Variants in SLC35F3 observed in about 807,000 individuals in gnomAD.
SLC35F3 encodes solute carrier family 35 member F3.
Under a neutral mutation model 49.9 loss-of-function variants are expected in SLC35F3, and 25 were observed. The observed-to-expected ratio is 0.50, with a 90% CI of 0.37 to 0.70. The LOEUF is 0.70. SLC35F3 is among the 30% of genes least tolerant of loss of function. The probability of loss-of-function intolerance (pLI) is 0.00; values close to 1 mark genes in which losing one functional copy is unlikely to be tolerated. For missense variants in SLC35F3, 525 were observed against 639.8 expected (o/e 0.82, Z 1.94); for synonymous variants, 275 against 265.4 (o/e 1.04, Z -0.35).
At chr1:234,082,830 C>T (rs1321831391) in intron 2 of SLC35F3, among the ~76,000 whole-genome samples, 1 of 152,082 alleles carries the variant, frequency 6.6e-6, no homozygotes, top group Admixed American at 6.5e-5. Context: ...ATGGGGGAAA[C>T]CGCCCCCATG....
intron 2 of SLC35F3, among the ~76,000 whole-genome samples, chr1:233,989,024 G>A (rs746962135): frequency 2.2e-4 from 34 of 152,276 alleles, no homozygotes; most frequent in Non-Finnish European, 3.8e-4. Flanking sequence ...AAAGAATTTA[G>A]ATTCACACTG....
intron 2 of SLC35F3, among the ~76,000 whole-genome samples, chr1:234,128,037 C>T (rs1177086503): frequency 6.6e-6 from 1 of 152,142 alleles, no homozygotes; most frequent in East Asian, 1.9e-4. Context: ...CTCAGAGGGG[C>T]AAGATGATTA....
intron 2 of SLC35F3, among the ~76,000 whole-genome samples, chr1:233,948,904 C>T (rs1662560344): frequency 6.6e-6 from 1 of 152,126 alleles, no homozygotes; most frequent in African/African-American, 2.4e-5. Context: ...CTGGCACAAG[C>T]ATTTTCTAAG....
Position 234,231,775 on chromosome 1 carries a change from C to T in SLC35F3, c.608+34C>T, listed in dbSNP as rs950390935. ...GTCCTGCATGAGGAGGCCTCCTGAC[C>T]CCGGGCTGCTCCATCCAGCGCTGAC... On this transcript the variant is annotated intron_variant, in intron 3 of 7. Transcript: ENST00000366618. The surrounding 1 kb of genome is among the most constrained non-coding windows in gnomAD (Gnocchi z 5.4). The T allele has an allele frequency of 3.8e-6, 6 of 1,563,194 alleles. No individual in the cohort carries two copies. Among genetic ancestry groups the T allele is most frequent in the Admixed American group, 1.7e-5 (1 of 57,822 alleles).
chr1:234,165,510 T>G (rs1362773894), intron 2 of SLC35F3, among the ~76,000 whole-genome samples: 2 of 152,184 alleles, frequency 1.3e-5, no homozygotes, highest in Non-Finnish European at 2.9e-5. Context: ...CATAAAATAG[T>G]GGATCTCAAA....
At position 234,320,768 on chromosome 1, in the gene SLC35F3, G is replaced by A. The variant is rs559761192; in HGVS notation, c.1237+581G>A. Among the ~76,000 whole-genome samples, 8 of 152,232 alleles carry A rather than the reference G, an allele frequency of 5.3e-5. No homozygotes were observed. Among genetic ancestry groups the A allele is most frequent in the African/African-American group, 1.2e-4 (5 of 41,538 alleles). ...GCCCTTTGTTTTCCCCTGGGGACTC[G>A]TTGCCAAGGCACACAGTTGACAGCT... On this transcript the variant is annotated intron_variant, in intron 7 of 7. Transcript: ENST00000366618. This position sits in a 1 kb window ranked among gnomAD's most constrained non-coding sequence, Gnocchi z 4.8.
chr1:233,912,347 G>T (rs938295096), intron 2 of SLC35F3, among the ~76,000 whole-genome samples: 2 of 151,976 alleles, frequency 1.3e-5, no homozygotes, highest in Non-Finnish European at 2.9e-5. Flanking sequence ...GCATGGTGGT[G>T]GGCACCTGTA....
intron 2 of SLC35F3, among the ~76,000 whole-genome samples, chr1:234,018,443 T>A (rs1201795739): frequency 6.6e-6 from 1 of 152,128 alleles, no homozygotes; most frequent in Non-Finnish European, 1.5e-5. Context: ...TTGCTGATTG[T>A]CCCCCAATTT....
intron 2 of SLC35F3, among the ~76,000 whole-genome samples, chr1:234,206,558 C>T (rs1012347944): frequency 6.6e-6 from 1 of 151,994 alleles, no homozygotes; most frequent in African/African-American, 2.4e-5. Context: ...CCACCTTGAC[C>T]CCTGGAAAAG....
At chr1:234,093,603 T>A (rs1665075799) in intron 2 of SLC35F3, among the ~76,000 whole-genome samples, 1 of 152,252 alleles carries the variant, frequency 6.6e-6, no homozygotes, top group Admixed American at 6.5e-5. Flanking sequence ...ATCAGCTTAT[T>A]TGTGGGACCA....
intron 3 of SLC35F3, among the ~76,000 whole-genome samples, chr1:234,292,015 G>A (rs537153492): frequency 2.6e-5 from 4 of 152,274 alleles, no homozygotes; most frequent in South Asian, 4.1e-4. Flanking sequence ...AGCTCACCAC[G>A]CCTGGACTGC....
chr1:234,139,946 C>CAAAATAATAAAATAAAATAAAATAAAAT (rs1665867270), intron 2 of SLC35F3, among the ~76,000 whole-genome samples: 3 of 11,054 alleles, frequency 2.7e-4, no homozygotes. Context: ...GACTCCATCT[C>CAAAATAATAAAATAAAATAAAATAAAAT]AAAATAATAA....
At chr1:234,198,882 A>G (rs750826440) in intron 2 of SLC35F3, among the ~76,000 whole-genome samples, 24 of 152,154 alleles carry the variant, frequency 1.6e-4, no homozygotes, top group Non-Finnish European at 2.8e-4. Context: ...TGGAGGTATC[A>G]CACTACCTAA....
At chr1:234,246,050 G>A (rs1667626516) in intron 3 of SLC35F3, among the ~76,000 whole-genome samples, 1 of 152,154 alleles carries the variant, frequency 6.6e-6, no homozygotes, top group Non-Finnish European at 1.5e-5. Flanking sequence ...TGGAATGGGA[G>A]GTATTGCTGC....
intron 2 of SLC35F3, among the ~76,000 whole-genome samples, chr1:234,197,005 T>G (rs150911845): frequency 2.5e-4 from 38 of 152,270 alleles, no homozygotes; most frequent in Non-Finnish European, 5.0e-4. Context: ...TAAAAACAGA[T>G]TTTATGCAAT....
intron 2 of SLC35F3, among the ~76,000 whole-genome samples, chr1:234,015,061 G>A (rs1663780386): frequency 6.6e-6 from 1 of 152,090 alleles, no homozygotes; most frequent in Non-Finnish European, 1.5e-5. Flanking sequence ...GCCAAGTGTG[G>A]CTAGCTGGGT....
chr1:234,058,328 A>ATTTTTTTTTTTTTTTTTTT lies in SLC35F3; in HGVS notation c.283+152582_283+152600dup, dbSNP rs56960667. Among the ~76,000 whole-genome samples, 29 of 39,798 alleles carry ATTTTTTTTTTTTTTTTTTT rather than the reference A, an allele frequency of 7.3e-4. 10 individuals are homozygous for ATTTTTTTTTTTTTTTTTTT. Among genetic ancestry groups the ATTTTTTTTTTTTTTTTTTT allele is most frequent in the African/African-American group, 3.7e-3 (27 of 7,288 alleles). 26.1% of individuals were successfully genotyped at this position (39,798 alleles called of 152,430 possible). The stretch of plus-strand genomic sequence containing the variant: ...TAATTGTCTTTATAAATGTTCCTGA[A>ATTTTTTTTTTTTTTTTTTT]TTTTTTTTTTTTTTTTTTTTTTTTT... On this transcript the variant is annotated intron_variant, in intron 2 of 7. Transcript: ENST00000366618.
In SLC35F3 at chr1:234,027,788, A is replaced by G. The variant is rs1664000216; in HGVS notation, c.283+122030A>G. On this transcript the variant is annotated intron_variant, in intron 2 of 7. Transcript: ENST00000366618. This position sits in a 1 kb window ranked among gnomAD's most constrained non-coding sequence, Gnocchi z 4.1. ...AGCCTGCGCCAGTTTAGCACTGGGT[A>G]TTTAGCAGGGAACACAATGAACCAT... 6.6e-6 allele frequency among the ~76,000 whole-genome samples: 1 copy of G among 152,190 alleles called. No homozygotes were observed. Among genetic ancestry groups the G allele is most frequent in the African/African-American group, 2.4e-5 (1 of 41,448 alleles).
intron 2 of SLC35F3, among the ~76,000 whole-genome samples, chr1:234,219,624 GGGTGAACTCAGT>G (rs1667172302): frequency 2.0e-5 from 3 of 152,188 alleles, no homozygotes; most frequent in Admixed American, 2.0e-4. Flanking sequence ...TTTCAGCTGA[GGGTGAACTCAGT>G]TCTGGCTGGG....
Sources: allele counts gnomAD v4.1 joint callset (sites outside exome capture counted in the v4.1 genomes callset), GRCh38; gene constraint gnomAD v4.1.1; non-coding constraint Gnocchi (gnomAD v3.1); transcripts MANE v1.5; gene names NCBI Gene and HGNC (gene_info 2026-07-23, HGNC 2026-07-21).